The following AP4E1 variants were observed in gnomAD, a reference collection of about 807,000 sequenced individuals.
The protein encoded by AP4E1 is adaptor related protein complex 4 subunit epsilon 1, also known as AP-4 complex subunit epsilon-1.
AP4E1 carries 56 observed loss-of-function variants against 128.2 expected under a neutral mutation model. The ratio of observed to expected loss-of-function variants is 0.44; its 90% confidence interval spans 0.35 to 0.55. The LOEUF is 0.55. Among genes scored for constraint, AP4E1 ranks in the 20% least tolerant of loss-of-function variants. The pLI is 0.00. For synonymous variants in AP4E1, 484 were observed against 473.1 expected, an observed-to-expected ratio of 1.02 and a Z score of -0.30; for missense variants, 1,324 against 1,307.7, an observed-to-expected ratio of 1.01 and a Z score of -0.19.
intron 14 of AP4E1, among the ~76,000 whole-genome samples, chr15:50,959,598 C>G (rs927881540): frequency 1.3e-5 from 2 of 151,962 alleles, no homozygotes; most frequent in Non-Finnish European, 2.9e-5. Flanking sequence ...AAGATATCTA[C>G]CAACGTGAAA....
chr15:50,987,080 T>C (rs2064737736), intron 16 of AP4E1, among the ~76,000 whole-genome samples: 1 of 152,250 alleles, frequency 6.6e-6, no homozygotes. Context: ...TTCTAGATTT[T>C]CTAGTTTATT....
At chr15:50,952,464 C>T (rs1041838947) in intron 13 of AP4E1, among the ~76,000 whole-genome samples, 1 of 149,810 alleles carries the variant, frequency 6.7e-6, no homozygotes. Context: ...GAACCAAGAT[C>T]ACGCCACTGC....
chr15:50,973,439 G>A (rs2064510224), intron 15 of AP4E1, among the ~76,000 whole-genome samples: 1 of 152,102 alleles, frequency 6.6e-6, no homozygotes, highest in Admixed American at 6.5e-5. Context: ...TTAACTGGAG[G>A]TCTCTCCTCT....
rs763788543 is a variant in AP4E1, at chr15:50,908,764, C to A, written c.-15C>A. The A allele has an allele frequency of 6.6e-7, 1 of 1,521,046 alleles. No individual in the cohort carries two copies. Among genetic ancestry groups the A allele is most frequent in the South Asian group, 1.2e-5 (1 of 80,170 alleles). The allele number at this position is 1,521,046 out of a possible 1,614,324, so 94.2% of individuals were successfully genotyped here. ...GGGATCGCGGGCGGCGGCGGCATCG[C>A]GGGCGGCGGCGGCGATGAGCGACAT... is the stretch of plus-strand genomic sequence containing the variant. On this transcript the variant is annotated 5_prime_UTR_variant, in exon 1 of 21. Coordinates refer to ENST00000261842, the MANE Select transcript of AP4E1 (RefSeq NM_007347.5).
At chr15:51,000,974 AG>A in intron 19 of AP4E1, 51 bp from the exon 20 acceptor site, 1 of 1,417,622 alleles carries the variant, frequency 7.1e-7, no homozygotes, top group Non-Finnish European at 9.9e-7. Context: ...TTTGTTGTTT[AG>A]AATCATTTCA....
intron 7 of AP4E1, 138 bp downstream of exon 7, chr15:50,931,109 T>A: frequency 9.2e-7 from 1 of 1,085,500 alleles, no homozygotes; most frequent in Non-Finnish European, 1.4e-6. Flanking sequence ...GAAGCCATTG[T>A]AAGAATCACA....
chr15:50,972,599 C>G (rs1182147146), intron 15 of AP4E1, among the ~76,000 whole-genome samples: 1 of 152,160 alleles, frequency 6.6e-6, no homozygotes, highest in Non-Finnish European at 1.5e-5. Flanking sequence ...GGTGGTGTGG[C>G]TTCACCAAGG....
intron 20 of AP4E1, among the ~76,000 whole-genome samples, chr15:51,001,631 G>A (rs1334183333): frequency 6.6e-6 from 1 of 152,060 alleles, no homozygotes; most frequent in Non-Finnish European, 1.5e-5. Context: ...TTTGTATCTG[G>A]CTTATTTCAC....
rs978066197 is a variant in AP4E1, at chr15:50,996,590, C to T, written c.2347-736C>T. ...TAAAGGATGCTGTGTAGTGTCAAAG[C>T]CCCCCGGGGGAGTGGAGGTGGAGAG... is the stretch of plus-strand genomic sequence containing the variant. On this transcript the variant is annotated intron_variant, in intron 17 of 20. Coordinates refer to ENST00000261842, the MANE Select transcript of AP4E1 (RefSeq NM_007347.5). 5.9e-5 allele frequency among the ~76,000 whole-genome samples: 9 copies of T among 152,110 alleles called. No homozygotes were observed. The South Asian group carries it at 1.9e-3, about 32-fold the overall frequency.
intron 10 of AP4E1, among the ~76,000 whole-genome samples, chr15:50,947,701 T>TA (rs2064081818): frequency 6.6e-6 from 1 of 152,222 alleles, no homozygotes. Flanking sequence ...TAAGGGCTGT[T>TA]ATGTTTTTAG....
At chr15:50,918,702 T>C (rs1409989755) in intron 3 of AP4E1, among the ~76,000 whole-genome samples, 1 of 152,206 alleles carries the variant, frequency 6.6e-6, no homozygotes, top group Non-Finnish European at 1.5e-5. Context: ...CAAAAGTTTG[T>C]GCACACATTC....
chr15:50,957,924 G>A (rs1334176903), intron 13 of AP4E1, among the ~76,000 whole-genome samples: 2 of 151,690 alleles, frequency 1.3e-5, no homozygotes, highest in Admixed American at 6.6e-5. Flanking sequence ...CACCCGCCTC[G>A]GCCTCCCAAA....
chr15:51,000,927 A>G, intron 19 of AP4E1, 99 bp from the exon 20 acceptor site: 1 of 1,002,832 alleles, frequency 1.0e-6, no homozygotes, highest in Non-Finnish European at 1.5e-6. Context: ...ACCCAGATTT[A>G]CAATGATTAT....
At position 50,962,889 on chromosome 15, in the gene AP4E1, CAAAAAAAAAAAA is replaced by C. The variant is rs71127168; in HGVS notation, c.1851+4111_1851+4122del. 3.4e-4 allele frequency among the ~76,000 whole-genome samples: 13 copies of C among 38,718 alleles called. 1 individual carries two copies. Among genetic ancestry groups the C allele is most frequent in the East Asian group, 1.1e-3 (1 of 952 alleles). The allele number at this position is 38,718 out of a possible 152,430, so 25.4% of individuals were successfully genotyped here. On this transcript the variant is annotated intron_variant, in intron 14 of 20. Transcript: ENST00000261842. Reference sequence around the variant, plus strand: ...ATATATAAGGAACTCAATTCAACAGCAAAAAAAAAAAAAAAAAAAAAAAAAAATCCCATTTAA... The same window carrying C: ...ATATATAAGGAACTCAATTCAACAGCAAAAAAAAAAAAAAATCCCATTTAA...
In AP4E1 at chr15:50,954,366, C is replaced by G. The variant is rs753415961; in HGVS notation, c.1549-4126C>G. 7.6e-4 allele frequency among the ~76,000 whole-genome samples: 116 copies of G among 152,302 alleles called. 1 individual carries two copies. Among genetic ancestry groups the G allele is most frequent in the Non-Finnish European group, 1.4e-3 (96 of 68,034 alleles). ...TGGTAGAATTTTCCAGTGAAACCAT[C>G]TGGACTTGTAGATTTTTGGGGGAGT... On this transcript the variant is annotated intron_variant, in intron 13 of 20. Coordinates refer to ENST00000261842, the MANE Select transcript of AP4E1 (RefSeq NM_007347.5).
intron 19 of AP4E1, 26 bp downstream of exon 19, chr15:50,999,288 C>A: frequency 1.3e-6 from 2 of 1,585,992 alleles, no homozygotes; most frequent in Non-Finnish European, 1.7e-6. Flanking sequence ...AATGTTAATT[C>A]AAGTTGTTAA....
At position 50,929,174 on chromosome 15, in the gene AP4E1, T is replaced by C. The variant is rs1456282959; in HGVS notation, c.702+6T>C. The C allele has an allele frequency of 6.2e-7, 1 of 1,613,330 alleles. No individual in the cohort carries two copies. Among genetic ancestry groups the C allele is most frequent in the African/African-American group, 1.3e-5 (1 of 74,900 alleles). Reference sequence around the variant, plus strand: ...TATATCTTAGAATGATTAAGGTAAGTTGGAAATTTTAGCAAGTACTGAGTA... The same window carrying C: ...TATATCTTAGAATGATTAAGGTAAGCTGGAAATTTTAGCAAGTACTGAGTA... On this transcript the variant is annotated splice_donor_region_variant and intron_variant, in intron 6 of 20. Coordinates refer to ENST00000261842, the MANE Select transcript of AP4E1 (RefSeq NM_007347.5).
intron 8 of AP4E1, among the ~76,000 whole-genome samples, chr15:50,935,148 G>C (rs926275356): frequency 6.6e-5 from 10 of 151,894 alleles, no homozygotes; most frequent in African/African-American, 2.4e-4. Flanking sequence ...AACATTATGG[G>C]GCTTATAAAC....
chr15:50,985,408 G>A (rs1475365900), intron 16 of AP4E1, among the ~76,000 whole-genome samples: 2 of 152,192 alleles, frequency 1.3e-5, no homozygotes, highest in East Asian at 3.8e-4. Flanking sequence ...GAATGGTATT[G>A]CCTAGGTTTT....
Sources: allele counts gnomAD v4.1 joint callset (sites outside exome capture counted in the v4.1 genomes callset), GRCh38; gene constraint gnomAD v4.1.1; transcripts MANE v1.5; gene names NCBI Gene and HGNC (gene_info 2026-07-23, HGNC 2026-07-21).